Variants in FDFT1 observed in about 807,000 individuals in gnomAD.
FDFT1 encodes the protein farnesyl-diphosphate farnesyltransferase 1.
FDFT1 carries 68 observed loss-of-function variants against 46.8 expected under a neutral mutation model. The ratio of observed to expected loss-of-function variants is 1.45; its 90% CI spans 1.19 to 1.78. The LOEUF is 1.78. Ranked by LOEUF, FDFT1 falls within the 40% of genes most tolerant of loss-of-function variation. FDFT1 has a pLI of 0.00. For missense variants in FDFT1, 928 were observed against 524.4 expected (o/e 1.77, Z -7.52); for synonymous variants, 351 against 185.1 (o/e 1.90, Z -7.28).
chr8:11,801,911 G>C (rs1363986888), upstream of FDFT1: 2 of 452,122 alleles, frequency 4.4e-6, no homozygotes, highest in East Asian at 7.0e-5. Context: ...GGATGGTCTC[G>C]ATCTCTTGAC....
At chr8:11,827,153 T>C (rs540799222) in intron 5 of FDFT1, among the ~76,000 whole-genome samples, 2 of 152,148 alleles carry the variant, frequency 1.3e-5, no homozygotes, top group Admixed American at 6.5e-5. Flanking sequence ...TAAAAGTGTT[T>C]CCTGCAGCCA....
At chr8:11,801,807 C>T (rs1013226624), upstream of FDFT1, 6 of 370,106 alleles carry the variant, frequency 1.6e-5, no homozygotes, top group South Asian at 1.0e-4. Flanking sequence ...GATTCTCCTG[C>T]CTCAGCCTCC....
intron 7 of FDFT1, 158 bp downstream of exon 7, chr8:11,831,828 A>C: frequency 3.0e-6 from 2 of 662,330 alleles, no homozygotes; most frequent in Non-Finnish European, 5.2e-6. Context: ...AAAAAAGTCT[A>C]TTCACAGGAG....
intron 4 of FDFT1, among the ~76,000 whole-genome samples, chr8:11,824,752 T>C (rs1478435813): frequency 6.6e-6 from 1 of 152,076 alleles, no homozygotes; most frequent in African/African-American, 2.4e-5. Flanking sequence ...TGTTGTTGTT[T>C]TGAGACGGAG....
chr8:11,803,041 C>T (rs1438452500), intron 1 of FDFT1, 110 bp downstream of exon 1: 21 of 1,479,052 alleles, frequency 1.4e-5, no homozygotes, highest in Non-Finnish European at 1.8e-5. Context: ...GCGAGCAGGG[C>T]CGACGCCTGG....
intron 3 of FDFT1, among the ~76,000 whole-genome samples, chr8:11,814,943 T>C (rs2130769600): frequency 6.6e-6 from 1 of 152,254 alleles, no homozygotes; most frequent in African/African-American, 2.4e-5. Flanking sequence ...TAGGTATACA[T>C]GTGCCATGTT....
chr8:11,834,487 TC>T (rs2130897093), intron 7 of FDFT1, among the ~76,000 whole-genome samples: 1 of 152,284 alleles, frequency 6.6e-6, no homozygotes, highest in South Asian at 2.1e-4. Flanking sequence ...CAGAGAATCA[TC>T]CGGCTCTTTG....
intron 4 of FDFT1, among the ~76,000 whole-genome samples, chr8:11,822,774 C>A (rs1001619756): frequency 6.6e-6 from 1 of 152,112 alleles, no homozygotes; most frequent in Non-Finnish European, 1.5e-5. Flanking sequence ...CATGATTGTG[C>A]CACTGCACTC....
chr8:11,802,976 C>T lies in FDFT1; in HGVS notation c.99+45C>T, dbSNP rs753830540. The T allele has an allele frequency of 1.1e-5, 17 of 1,557,174 alleles. No individual in the cohort carries two copies. In the African/African-American group the frequency reaches 1.4e-4, roughly 12 times the overall value. ...TTGCCCGGGGCGGGGAAGGAGCTCG[C>T]TGGGCCGGCCTCAGGGCCTGAGCGG... On this transcript the variant is annotated intron_variant, in intron 1 of 7. Transcript: ENST00000220584.
chr8:11,804,488 T>C (rs1341619997), intron 1 of FDFT1, among the ~76,000 whole-genome samples: 2 of 152,192 alleles, frequency 1.3e-5, no homozygotes, highest in Admixed American at 1.3e-4. Flanking sequence ...TTGTAGTCTT[T>C]CTGGGCAGTT....
chr8:11,795,658 G>A (rs1233600673), exon 1 of FDFT1: 3 of 151,762 alleles, frequency 2.0e-5, no homozygotes, highest in Non-Finnish European at 4.4e-5. Flanking sequence ...TGTCTGTTTC[G>A]GTCTGCACTG....
chr8:11,819,925 C>T (rs1563319648), intron 3 of FDFT1, among the ~76,000 whole-genome samples: 2 of 152,070 alleles, frequency 1.3e-5, no homozygotes, highest in Non-Finnish European at 2.9e-5. Context: ...GGAGAAGAGG[C>T]GTTCTGTTTT....
At position 11,834,720 on chromosome 8, in the gene FDFT1, C is replaced by A. The variant is rs531890853; in HGVS notation, c.1032+3050C>A. Among the ~76,000 whole-genome samples the A allele has an allele frequency of 5.3e-5, 8 of 152,346 alleles. No individual in the cohort carries two copies. The East Asian group carries it at 1.5e-3, about 29-fold the overall frequency. ...TCCATATTCGCAGTTGTAAGTAGAA[C>A]TGCTGAGACGTGGAAGTACCACATG... On this transcript the variant is annotated intron_variant, in intron 7 of 7. Transcript: ENST00000220584.
At chr8:11,799,278 C>T (rs1225276062), upstream of FDFT1, among the ~76,000 whole-genome samples, 4 of 152,230 alleles carry the variant, frequency 2.6e-5, no homozygotes, top group Non-Finnish European at 5.9e-5. Context: ...CTTGACCAGT[C>T]AAAGCTGTAG....
In FDFT1 at chr8:11,831,544, C is replaced by T. The variant is rs752124775; in HGVS notation, c.906C>T (p.Ala302=). 12 of 1,613,986 alleles carry T rather than the reference C, an allele frequency of 7.4e-6. No individual in the cohort carries two copies. The highest frequency in any genetic ancestry group is 6.7e-5 in the Admixed American group (4 of 60,008). Residue 302 remains alanine, a synonymous_variant, in exon 7 of 8, where the codon GCC becomes GCT. Coordinates refer to ENST00000220584, the MANE Select transcript of FDFT1 (RefSeq NM_004462.5). ...PQVMAIATLA[A]CYNNQQVFKG... Reference sequence around the variant, plus strand: ...TGATGGCCATTGCCACTTTGGCTGCCTGTTATAATAACCAGCAGGTGTTCA... The same window carrying T: ...TGATGGCCATTGCCACTTTGGCTGCTTGTTATAATAACCAGCAGGTGTTCA...
intron 3 of FDFT1, among the ~76,000 whole-genome samples, chr8:11,815,834 G>T (rs894038277): frequency 6.6e-6 from 1 of 152,146 alleles, no homozygotes; most frequent in African/African-American, 2.4e-5. Flanking sequence ...TTACTCTGAT[G>T]ATAGTTTCTT....
upstream of FDFT1, chr8:11,798,176 C>G (rs1485847128): frequency 6.6e-6 from 1 of 152,198 alleles, no homozygotes; most frequent in Non-Finnish European, 1.5e-5. Context: ...TCTCCAGCCT[C>G]AGCCTCCCGA....
At chr8:11,814,674 A>T (rs1808195586) in intron 3 of FDFT1, among the ~76,000 whole-genome samples, 1 of 152,210 alleles carries the variant, frequency 6.6e-6, no homozygotes, top group South Asian at 2.1e-4. Flanking sequence ...ACTTTTTTAC[A>T]TTAGGGCTTG....
intron 4 of FDFT1, among the ~76,000 whole-genome samples, chr8:11,823,682 C>A (rs1355240881): frequency 1.3e-5 from 2 of 152,114 alleles, no homozygotes; most frequent in East Asian, 1.9e-4. Context: ...ATCTTCCTTG[C>A]CCTCAGCCTC....
Sources: gnomAD v4.1 joint callset for allele counts (sites outside exome capture counted in the v4.1 genomes callset) on GRCh38, gnomAD v4.1.1 for gene constraint, MANE v1.5 for transcripts, NCBI Gene and HGNC (gene_info 2026-07-23, HGNC 2026-07-21) for gene names.